Variants in CDK2AP1 observed in about 807,000 individuals in gnomAD.
CDK2AP1 encodes cyclin dependent kinase 2 associated protein 1, also known as cyclin-dependent kinase 2-associated protein 1.
A neutral mutation model predicts 14.1 loss-of-function variants in CDK2AP1; 10 were observed. That is an observed-to-expected ratio of 0.71 (90% CI 0.44 to 1.20). The LOEUF is 1.20. CDK2AP1 is among the 50% of genes most tolerant of loss of function. The pLI, the probability that CDK2AP1 is intolerant of heterozygous loss-of-function variation, is 0.00. For synonymous variants in CDK2AP1, 59 were observed against 59.8 expected (o/e 0.99, Z 0.06); for missense variants, 102 against 149.9 (o/e 0.68, Z 1.67).
intron 3 of CDK2AP1, among the ~76,000 whole-genome samples, chr12:123,264,363 G>C (rs2138812963): frequency 6.6e-6 from 1 of 150,590 alleles, no homozygotes; most frequent in East Asian, 1.9e-4. Context: ...GGGAGGCTGA[G>C]GCAGGAGAAT....
At chr12:123,266,767 G>A (rs999268551) in intron 2 of CDK2AP1, among the ~76,000 whole-genome samples, 1 of 152,224 alleles carries the variant, frequency 6.6e-6, no homozygotes, top group Non-Finnish European at 1.5e-5. Context: ...GGGCTCTCAA[G>A]ACAGGGCCAC....
chr12:123,262,700 G>A (rs572686569), intron 3 of CDK2AP1, among the ~76,000 whole-genome samples: 18 of 152,166 alleles, frequency 1.2e-4, no homozygotes, highest in Admixed American at 5.2e-4. Flanking sequence ...CTCAGCCTCC[G>A]GAGAAGCTGG....
Position 123,271,825 on chromosome 12 carries a change from C to G in CDK2AP1, c.-207G>C, listed in dbSNP as rs1368650490. 1 of 146,698 alleles carries G rather than the reference C, an allele frequency of 6.8e-6. No individual in the cohort carries two copies. The highest frequency in any genetic ancestry group is 6.8e-5 in the Admixed American group (1 of 14,746). 9.1% of individuals were successfully genotyped at this position (146,698 alleles called of 1,614,324 possible). A position where few individuals can be genotyped will look rare whatever the true frequency, so the allele number is the denominator to read the frequency against. ...CCGCCGCCGCAGTCTCACCCAGGCCCCGGGTGCGGCGCAGGGGCGGCCGCA... is the reference window on the plus strand; with the variant it reads ...CCGCCGCCGCAGTCTCACCCAGGCCGCGGGTGCGGCGCAGGGGCGGCCGCA... On this transcript the variant is annotated 5_prime_UTR_variant, in exon 1 of 4. Coordinates refer to ENST00000261692, the MANE Select transcript of CDK2AP1 (RefSeq NM_004642.4).
intron 2 of CDK2AP1, among the ~76,000 whole-genome samples, chr12:123,266,546 G>C (rs565249739): frequency 6.6e-6 from 1 of 152,384 alleles, no homozygotes; most frequent in African/African-American, 2.4e-5. Context: ...CTCATCCCTT[G>C]GAGATGTAGG....
At chr12:123,263,951 T>C (rs2048260184) in intron 3 of CDK2AP1, among the ~76,000 whole-genome samples, 2 of 151,662 alleles carry the variant, frequency 1.3e-5, no homozygotes, top group East Asian at 2.0e-4. Context: ...CTACTAAAAA[T>C]ACAAAAATTA....
intron 1 of CDK2AP1, 44 bp downstream of exon 1, chr12:123,271,520 C>G (rs2048353494): frequency 1.0e-6 from 1 of 989,974 alleles, no homozygotes; most frequent in Non-Finnish European, 1.2e-6. Flanking sequence ...GCGCGGACCC[C>G]CAACTTGGCG....
In CDK2AP1 at chr12:123,265,419, C is replaced by T; in HGVS notation, c.154-97G>A. ...TCAGGAGGCTGAGGCAGGAGAACTG[C>T]TTGGACCCAGGAGGTGGAAGTTGCA... On this transcript the variant is annotated intron_variant, in intron 2 of 3. Transcript: ENST00000261692. This position sits in a 1 kb window ranked among gnomAD's most constrained non-coding sequence, Gnocchi z 5.3. 1.6e-6 allele frequency: 2 copies of T among 1,226,590 alleles called. No homozygotes were observed. The highest frequency in any genetic ancestry group is 2.6e-5 in the South Asian group (2 of 77,328). 76.0% of individuals were successfully genotyped at this position (1,226,590 alleles called of 1,614,324 possible).
intron 3 of CDK2AP1, among the ~76,000 whole-genome samples, chr12:123,263,225 A>G (rs945835529): frequency 2.0e-5 from 3 of 151,084 alleles, no homozygotes; most frequent in Non-Finnish European, 3.0e-5. Context: ...AAAAAAAAAA[A>G]ACAAAAAAAA....
intron 3 of CDK2AP1, among the ~76,000 whole-genome samples, chr12:123,263,247 TG>T (rs2048252810): frequency 6.6e-6 from 1 of 151,708 alleles, no homozygotes; most frequent in South Asian, 2.1e-4. Context: ...CCACTATTCT[TG>T]GCTCCTGGCT....
chr12:123,264,312 T>A (rs1450636204), intron 3 of CDK2AP1, among the ~76,000 whole-genome samples: 1 of 150,496 alleles, frequency 6.6e-6, no homozygotes, highest in Non-Finnish European at 1.5e-5. Flanking sequence ...TACAAAAAAT[T>A]AGACAGGTGT....
At chr12:123,267,108 C>T in intron 2 of CDK2AP1, 77 bp downstream of exon 2, 1 of 918,488 alleles carries the variant, frequency 1.1e-6, no homozygotes. Context: ...GTCTCTTCCA[C>T]CAACTTCTCT....
At chr12:123,267,327 G>T in intron 1 of CDK2AP1, 45 bp from the exon 2 acceptor site, 1 of 1,246,290 alleles carries the variant, frequency 8.0e-7, no homozygotes, top group Non-Finnish European at 1.2e-6. Context: ...TCAGCCAGTT[G>T]TACCAAGGCA....
rs773345383 is a variant in CDK2AP1, at chr12:123,261,685, T to G, written c.*51A>C. 8 of 1,470,920 alleles carry G rather than the reference T, an allele frequency of 5.4e-6. No individual in the cohort carries two copies. The highest frequency in any genetic ancestry group is 7.6e-6 in the Non-Finnish European group (8 of 1,049,230). The allele number at this position is 1,470,920 out of a possible 1,614,324, so 91.1% of individuals were successfully genotyped here. On this transcript the variant is annotated 3_prime_UTR_variant, in exon 4 of 4. Transcript: ENST00000261692. Reference sequence around the variant, plus strand: ...TCATCTGAACAGGGGAGATGAACTGTAACTTCTCATCTTGTAAAAAGATGG... The same window carrying G: ...TCATCTGAACAGGGGAGATGAACTGGAACTTCTCATCTTGTAAAAAGATGG...
At chr12:123,264,801 G>A (rs926277742) in intron 3 of CDK2AP1, among the ~76,000 whole-genome samples, 2 of 152,134 alleles carry the variant, frequency 1.3e-5, no homozygotes, top group Non-Finnish European at 2.9e-5. Flanking sequence ...GACAGCAGAG[G>A]GCAGTGCAGG....
chr12:123,271,024 C>A, intron 1 of CDK2AP1: 1 of 928,518 alleles, frequency 1.1e-6, no homozygotes, highest in Non-Finnish European at 1.2e-6. Flanking sequence ...GACCTCAGGG[C>A]CCCCGGCAGC....
chr12:123,268,468 C>G (rs1341316002), intron 1 of CDK2AP1, among the ~76,000 whole-genome samples: 2 of 152,244 alleles, frequency 1.3e-5, no homozygotes, highest in Non-Finnish European at 1.5e-5. Flanking sequence ...GAGACCAAAG[C>G]AGGGAGCCAG....
upstream of CDK2AP1, chr12:123,271,978 G>C (rs1248096746): frequency 2.0e-5 from 3 of 147,070 alleles, no homozygotes; most frequent in Non-Finnish European, 3.0e-5. Flanking sequence ...GCCAAAGTTT[G>C]GGGGGCTGGG....
At chr12:123,271,975 T>G (rs1180552068), upstream of CDK2AP1, 1 of 145,824 alleles carries the variant, frequency 6.9e-6, no homozygotes, top group East Asian at 2.0e-4. Flanking sequence ...CTTGCCAAAG[T>G]TTGGGGGGCT....
intron 1 of CDK2AP1, chr12:123,268,311 T>G (rs1593297810): frequency 1.2e-6 from 1 of 860,224 alleles, no homozygotes; most frequent in Non-Finnish European, 1.4e-6. Context: ...GCTCGCTTGG[T>G]GTGGGTGAGG....
Sources: allele counts gnomAD v4.1 joint callset (sites outside exome capture counted in the v4.1 genomes callset), GRCh38; gene constraint gnomAD v4.1.1; non-coding constraint Gnocchi (gnomAD v3.1); transcripts MANE v1.5; gene names NCBI Gene and HGNC (gene_info 2026-07-23, HGNC 2026-07-21).